CEP290: variants seen among roughly 807,000 people sequenced by gnomAD.
The protein encoded by CEP290 is centrosomal protein 290.
In CEP290, 317 loss-of-function variants were observed where a neutral mutation model predicts 344.9. The observed-to-expected ratio is 0.92, with a 90% confidence interval of 0.84 to 1.01. The LOEUF (loss-of-function observed/expected upper bound fraction) is 1.01. Ranked by LOEUF, CEP290 falls within the 50% of genes least tolerant of loss-of-function variation. CEP290 has a pLI of 0.00. For missense variants in CEP290, 2,754 were observed against 2,761.4 expected (o/e 1.00, Z 0.06); for synonymous variants, 932 against 895.8 (o/e 1.04, Z -0.72).
intron 17 of CEP290, among the ~76,000 whole-genome samples, chr12:88,118,016 T>C (rs760331250): frequency 1.1e-4 from 16 of 151,576 alleles, no homozygotes; most frequent in Non-Finnish European, 1.8e-4. Context: ...GCCTGGGCAA[T>C]AGAACAAGAC....
In CEP290 at chr12:88,129,707, T is replaced by A. The variant is rs745369780; in HGVS notation, c.839A>T (p.His280Leu). Residue 280 changes from histidine to leucine, a missense_variant, in exon 10 of 54, where the codon CAT becomes CTT. By Grantham distance (99) the His-to-Leu change is moderately conservative (BLOSUM62 -3). Transcript: ENST00000552810. ...VIDQLKKEND[H>L]YQLQVQELTD... ...AGTAATTCTTACTTGAAGTTGATAA[T>A]GATCGTTTTCTTTTTTTAACTGATC... 7.0e-7 allele frequency: 1 copy of A among 1,433,168 alleles called. No homozygotes were observed. Among genetic ancestry groups the A allele is most frequent in the Non-Finnish European group, 9.4e-7 (1 of 1,063,152 alleles). 88.8% of individuals were successfully genotyped at this position (1,433,168 alleles called of 1,614,324 possible).
At chr12:88,081,252 C>G (rs1371600030) in intron 37 of CEP290, among the ~76,000 whole-genome samples, 1 of 152,078 alleles carries the variant, frequency 6.6e-6, no homozygotes, top group Non-Finnish European at 1.5e-5. Flanking sequence ...AACTGATCCT[C>G]TATATTTGAG....
chr12:88,080,151 T>A, intron 38 of CEP290, 31 bp downstream of exon 38: 1 of 1,451,464 alleles, frequency 6.9e-7, no homozygotes, highest in Non-Finnish European at 9.4e-7. Flanking sequence ...ATATTTTTCC[T>A]AAATGTTGAT....
chr12:88,139,248 C>A, intron 4 of CEP290, 57 bp from the exon 5 acceptor site: 1 of 720,200 alleles, frequency 1.4e-6, no homozygotes. Context: ...ACAAAACAAA[C>A]TTTTAAATAA....
intron 47 of CEP290, 47 bp downstream of exon 47, chr12:88,060,783 A>G (rs554545055): frequency 1.4e-6 from 2 of 1,417,806 alleles, no homozygotes; most frequent in Non-Finnish European, 1.9e-6. Flanking sequence ...AAATAGTAAC[A>G]AAACGTAAAA....
intron 37 of CEP290, 65 bp downstream of exon 37, chr12:88,082,966 T>G: frequency 1.0e-6 from 1 of 975,508 alleles, no homozygotes; most frequent in Non-Finnish European, 1.5e-6. Flanking sequence ...TAGCAAACAC[T>G]TATGTTTATC....
rs746124813 is a variant in CEP290 at position 88,115,130 on chromosome 12, C to G, written c.1877G>C (p.Ser626Thr). 2 of 1,491,648 alleles carry G rather than the reference C, an allele frequency of 1.3e-6. No individual in the cohort carries two copies. 92.4% of individuals were successfully genotyped at this position (1,491,648 alleles called of 1,614,324 possible). A position where few individuals can be genotyped will look rare whatever the true frequency, so the allele number is the denominator to read the frequency against. Residue 626 changes from serine (S) to threonine (T), a missense_variant, in exon 19 of 54, where the codon AGT (serine) becomes ACT (threonine). Coordinates refer to ENST00000552810, the MANE Select transcript of CEP290 (RefSeq NM_025114.4). ...CTGAAATTTGGCTATCACTGTCCTA[C>G]TCCTTTCTAAATCTCTTTCTTTTTC... Reference protein sequence around the residue: ...LIEKERDLERSRTVIAKFQNK... With the variant: ...LIEKERDLERTRTVIAKFQNK...
chr12:88,085,956 G>T, intron 34 of CEP290, 83 bp downstream of exon 34: 3 of 1,241,590 alleles, frequency 2.4e-6, no homozygotes, highest in East Asian at 5.1e-5. Context: ...TCTATGCATT[G>T]CCCTCATAAA....
At position 88,130,255 on chromosome 12, in the gene CEP290, C is replaced by A; in HGVS notation, c.669+13G>T. The A allele has an allele frequency of 6.3e-7, 1 of 1,591,566 alleles. No homozygotes were observed. Among genetic ancestry groups the A allele is most frequent in the South Asian group, 1.2e-5 (1 of 85,468 alleles). On this transcript the variant is annotated intron_variant, in intron 9 of 53. Coordinates refer to ENST00000552810, the MANE Select transcript of CEP290 (RefSeq NM_025114.4). ...AGGAACCATTGCTCTGAATTGACTT[C>A]TAGCCATTTTACCTGAATTTCATCA...
At chr12:88,092,290 A>G (rs572516439) in intron 29 of CEP290, among the ~76,000 whole-genome samples, 27 of 152,200 alleles carry the variant, frequency 1.8e-4, no homozygotes, top group Non-Finnish European at 3.5e-4. Flanking sequence ...ATATTCTTAC[A>G]GCAACCTTAT....
At chr12:88,124,493 T>C (rs987251170) in intron 13 of CEP290, among the ~76,000 whole-genome samples, 3 of 152,080 alleles carry the variant, frequency 2.0e-5, no homozygotes, top group African/African-American at 7.2e-5. Flanking sequence ...CACACACATA[T>C]GTGCACGGAA....
intron 34 of CEP290, 112 bp from the exon 35 acceptor site, chr12:88,084,964 T>C (rs1565836723): frequency 2.5e-6 from 2 of 805,682 alleles, no homozygotes; most frequent in Non-Finnish European, 3.8e-6. Context: ...ATTTTTCACA[T>C]CATATGTACA....
intron 34 of CEP290, 98 bp from the exon 35 acceptor site, chr12:88,084,950 C>T (rs1368394071): frequency 2.1e-6 from 2 of 960,850 alleles, no homozygotes; most frequent in Non-Finnish European, 3.0e-6. Flanking sequence ...AAAAAATTCA[C>T]TTTATTTTTC....
intron 17 of CEP290, among the ~76,000 whole-genome samples, chr12:88,117,868 T>C (rs771266270): frequency 6.6e-6 from 1 of 151,684 alleles, no homozygotes; most frequent in African/African-American, 2.4e-5. Flanking sequence ...AAACCCTGTT[T>C]CTACTAAAAA....
chr12:88,092,978 A>G, intron 28 of CEP290, 146 bp from the exon 29 acceptor site: 1 of 638,530 alleles, frequency 1.6e-6, no homozygotes, highest in Non-Finnish European at 2.6e-6. Context: ...AACAGACTGA[A>G]GGAGGGTAAA....
At chr12:88,066,467 T>C (rs561943522) in intron 44 of CEP290, among the ~76,000 whole-genome samples, 56 of 45,418 alleles carry the variant, frequency 1.2e-3, no homozygotes, top group African/African-American at 2.6e-3. Context: ...ACCCAGCTAA[T>C]TGTTTCTTTT....
chr12:88,105,720 T>TTTC (rs10670716), intron 25 of CEP290, among the ~76,000 whole-genome samples: 7,455 of 151,946 alleles, frequency 0.049, 616 homozygotes, highest in African/African-American at 0.17. Context: ...ATGGTTATCT[T>TTTC]TTCTTCTTCT....
At chr12:88,058,709 A>C in intron 49 of CEP290, 139 bp downstream of exon 49, 2 of 832,834 alleles carry the variant, frequency 2.4e-6, no homozygotes, top group Non-Finnish European at 3.7e-6. Flanking sequence ...CAACAGAAAA[A>C]AAGTATTATG....
Position 88,059,995 on chromosome 12 carries a change from T to C in CEP290, c.6548A>G (p.His2183Arg), listed in dbSNP as rs2034340081. 2 of 1,567,346 alleles carry C rather than the reference T, an allele frequency of 1.3e-6. No homozygotes were observed. Among genetic ancestry groups the C allele is most frequent in the Non-Finnish European group, 1.7e-6 (2 of 1,158,182 alleles). The change falls in exon 48 of 54, where the codon CAT becomes CGT. Residue 2183 changes from histidine (H) to arginine (R), a missense_variant. By Grantham distance (29) the His-to-Arg change is conservative (BLOSUM62 0). Coordinates refer to ENST00000552810, the MANE Select transcript of CEP290 (RefSeq NM_025114.4). ...GTGCATGCTCAACTGATGCCCAAGATGAGCTTTAAGTTTTTCTAATTCAGC... is the reference window on the plus strand; with the variant it reads ...GTGCATGCTCAACTGATGCCCAAGACGAGCTTTAAGTTTTTCTAATTCAGC... The part of the protein sequence containing the change: ...LKAELEKLKA[H>R]LGHQLSMHYE...
Sources: gnomAD v4.1 joint callset for allele counts (sites outside exome capture counted in the v4.1 genomes callset) on GRCh38, gnomAD v4.1.1 for gene constraint, MANE v1.5 for transcripts, NCBI Gene and HGNC (gene_info 2026-07-23, HGNC 2026-07-21) for gene names.